Variants in DENND1A observed in about 807,000 individuals in gnomAD.
DENND1A encodes DENN domain-containing protein 1A.
In DENND1A, 51 loss-of-function variants were observed where a neutral mutation model predicts 113.7. The ratio of observed to expected loss-of-function variants is 0.45; its 90% confidence interval spans 0.36 to 0.57. The LOEUF is 0.57. DENND1A is among the 20% of genes least tolerant of loss of function. The pLI, the probability that DENND1A is intolerant of heterozygous loss-of-function variation, is 0.00. For synonymous variants in DENND1A, 565 were observed against 570.8 expected (o/e 0.99, Z 0.14); for missense variants, 1,258 against 1,395.9 (o/e 0.90, Z 1.57).
chr9:123,870,744 A>AT (rs2133415892), intron 2 of DENND1A, among the ~76,000 whole-genome samples: 1 of 152,088 alleles, frequency 6.6e-6, no homozygotes, highest in East Asian at 1.9e-4. Context: ...CTCACCAGCT[A>AT]TTTTTTCATG....
chr9:123,412,133 C>G (rs2044355069), intron 19 of DENND1A, among the ~76,000 whole-genome samples: 1 of 152,226 alleles, frequency 6.6e-6, no homozygotes, highest in African/African-American at 2.4e-5. Context: ...GAGCCCACCC[C>G]CTCTCCAGAC....
intron 19 of DENND1A, among the ~76,000 whole-genome samples, chr9:123,439,206 G>C (rs1328930796): frequency 6.6e-6 from 1 of 152,182 alleles, no homozygotes; most frequent in Admixed American, 6.5e-5. Flanking sequence ...AACTAAATGA[G>C]TATCACCCTG....
rs923790799 is a variant in DENND1A at position 123,429,094 on chromosome 9, G to T, written c.1488+11266C>A. Reference sequence around the variant, plus strand: ...GCCCGAATAGCCAAGACAATCATAAGCAAAAGGACAAAGCTGGAGGCATCA... The same window carrying T: ...GCCCGAATAGCCAAGACAATCATAATCAAAAGGACAAAGCTGGAGGCATCA... On this transcript the variant is annotated intron_variant, in intron 19 of 23. Coordinates refer to ENST00000394215, the MANE Select transcript of DENND1A (RefSeq NM_001352964.2). 2.6e-5 allele frequency among the ~76,000 whole-genome samples: 4 copies of T among 152,146 alleles called. No homozygotes were observed. The South Asian group carries it at 8.3e-4, about 32-fold the overall frequency.
intron 13 of DENND1A, among the ~76,000 whole-genome samples, chr9:123,555,046 C>A (rs904559999): frequency 6.6e-6 from 1 of 152,182 alleles, no homozygotes; most frequent in African/African-American, 2.4e-5. Flanking sequence ...TTAAGCATTT[C>A]CTTTTGCAAC....
At chr9:123,896,514 G>C (rs1365034525) in intron 1 of DENND1A, among the ~76,000 whole-genome samples, 1 of 152,054 alleles carries the variant, frequency 6.6e-6, no homozygotes, top group Non-Finnish European at 1.5e-5. Flanking sequence ...AGAAAACCCT[G>C]GGGAAACAAG....
chr9:123,904,061 A>C (rs1166705599), intron 1 of DENND1A, among the ~76,000 whole-genome samples: 1 of 151,862 alleles, frequency 6.6e-6, no homozygotes, highest in African/African-American at 2.4e-5. Context: ...TGGTTCCCTG[A>C]CCCCTGACCC....
At position 123,929,933 on chromosome 9, in the gene DENND1A, G is replaced by A. The variant is rs1335719459; in HGVS notation, c.-28C>T. On this transcript the variant is annotated 5_prime_UTR_variant, in exon 1 of 24. Coordinates refer to ENST00000394215, the MANE Select transcript of DENND1A (RefSeq NM_001352964.2). Reference sequence around the variant, plus strand: ...TCCCCAGGCCTCCTCATGGGCCCGCGGGCCCCGCTCGGCGCTGCGCTGCCC... The same window carrying A: ...TCCCCAGGCCTCCTCATGGGCCCGCAGGCCCCGCTCGGCGCTGCGCTGCCC... 1.2e-5 allele frequency: 4 copies of A among 324,864 alleles called. No homozygotes were observed. Among genetic ancestry groups the A allele is most frequent in the Middle Eastern group, 1.8e-3 (2 of 1,084 alleles). 20.1% of individuals were successfully genotyped at this position (324,864 alleles called of 1,614,324 possible). A position where few individuals can be genotyped will look rare whatever the true frequency, so the allele number is the denominator to read the frequency against.
At chr9:123,432,978 C>T (rs539520437) in intron 19 of DENND1A, among the ~76,000 whole-genome samples, 33 of 152,282 alleles carry the variant, frequency 2.2e-4, no homozygotes, top group African/African-American at 6.5e-4. Flanking sequence ...TGAGGGACTG[C>T]GCGCTCTGAG....
intron 13 of DENND1A, among the ~76,000 whole-genome samples, chr9:123,495,274 G>C (rs950545383): frequency 6.6e-6 from 1 of 152,124 alleles, no homozygotes; most frequent in Non-Finnish European, 1.5e-5. Context: ...GACACTGGGA[G>C]CCAAACGAAT....
chr9:123,575,265 T>G (rs1173848207), intron 12 of DENND1A, among the ~76,000 whole-genome samples: 1 of 152,122 alleles, frequency 6.6e-6, no homozygotes, highest in Non-Finnish European at 1.5e-5. Context: ...CATACAAAGT[T>G]CACAACAGGG....
chr9:123,891,999 G>C (rs1257214685), intron 1 of DENND1A, among the ~76,000 whole-genome samples: 2 of 152,222 alleles, frequency 1.3e-5, no homozygotes, highest in Admixed American at 1.3e-4. Context: ...CTGAGAGACA[G>C]AGCTAAGCGT....
At chr9:123,711,504 T>C (rs969621639) in intron 5 of DENND1A, among the ~76,000 whole-genome samples, 1 of 75,882 alleles carries the variant, frequency 1.3e-5, no homozygotes, top group Non-Finnish European at 2.2e-5. Flanking sequence ...TATATATATA[T>C]GTATATATGT....
In DENND1A at chr9:123,646,898, C is replaced by T. The variant is rs945555322; in HGVS notation, c.618+5115G>A. Among the ~76,000 whole-genome samples, 15 of 152,086 alleles carry T rather than the reference C, an allele frequency of 9.9e-5. 1 individual carries two copies. The highest frequency in any genetic ancestry group is 9.8e-4 in the Admixed American group (15 of 15,268). ...AAAGGGAATGCAGAGTCCAGGAGTACAGGCCCAGGAAGCTGAGCAAAGTGG... is the reference window on the plus strand; with the variant it reads ...AAAGGGAATGCAGAGTCCAGGAGTATAGGCCCAGGAAGCTGAGCAAAGTGG... On this transcript the variant is annotated intron_variant, in intron 9 of 23. Transcript: ENST00000394215.
intron 10 of DENND1A, among the ~76,000 whole-genome samples, 173 bp downstream of exon 10, chr9:123,630,203 G>C (rs1247455973): frequency 7.5e-6 from 1 of 134,170 alleles, no homozygotes; most frequent in East Asian, 2.1e-4. Context: ...ACCATGACTG[G>C]CTTTTTTTTT....
intron 21 of DENND1A, among the ~76,000 whole-genome samples, chr9:123,398,833 T>C (rs1222950063): frequency 6.9e-6 from 1 of 144,228 alleles, no homozygotes; most frequent in Admixed American, 6.9e-5. Context: ...CTCGTTCTGT[T>C]ACTCAGGCTG....
At chr9:123,901,848 C>CA (rs1328298772) in intron 1 of DENND1A, among the ~76,000 whole-genome samples, 7 of 151,502 alleles carry the variant, frequency 4.6e-5, no homozygotes, top group East Asian at 1.9e-4. Context: ...GCTAAAAATA[C>CA]AAAAAAAATT....
intron 19 of DENND1A, among the ~76,000 whole-genome samples, chr9:123,412,032 G>A (rs1037494001): frequency 6.6e-6 from 1 of 152,130 alleles, no homozygotes; most frequent in Admixed American, 6.5e-5. Context: ...CTCCAGCCTG[G>A]GTTACTGCAA....
rs58452320 is a variant in DENND1A, at chr9:123,552,039, C to CAGAGAGAG, written c.993+5523_993+5530dup. On this transcript the variant is annotated intron_variant, in intron 13 of 23. Coordinates refer to ENST00000394215, the MANE Select transcript of DENND1A (RefSeq NM_001352964.2). ...AGAGCGAGAGAGAGAGAGAGAGAGA[C>CAGAGAGAG]AGAGAGAGAGAGAGAGAGAGAGAGA... Among the ~76,000 whole-genome samples, 1,246 of 128,364 alleles carry CAGAGAGAG rather than the reference C, an allele frequency of 9.7e-3. 31 individuals are homozygous for CAGAGAGAG. The highest frequency in any genetic ancestry group is 0.035 in the African/African-American group (1,124 of 32,486). The allele number at this position is 128,364 out of a possible 152,430, so 84.2% of individuals were successfully genotyped here.
At chr9:123,468,351 A>T (rs771091723) in intron 13 of DENND1A, among the ~76,000 whole-genome samples, 9 of 152,216 alleles carry the variant, frequency 5.9e-5, no homozygotes, top group Non-Finnish European at 1.2e-4. Flanking sequence ...TTTAATCCCC[A>T]ATGCCAGAGT....
Sources: allele counts gnomAD v4.1 joint callset (sites outside exome capture counted in the v4.1 genomes callset), GRCh38; gene constraint gnomAD v4.1.1; transcripts MANE v1.5; gene names NCBI Gene and HGNC (gene_info 2026-07-23, HGNC 2026-07-21).